Variants in STXBP5 observed in about 807,000 individuals in gnomAD.
STXBP5 encodes syntaxin-binding protein 5.
In STXBP5, 50 loss-of-function variants were observed where a neutral mutation model predicts 152.4. That is an observed-to-expected ratio of 0.33 (90% CI 0.26 to 0.42). The LOEUF (loss-of-function observed/expected upper bound fraction) is 0.42. Ranked by LOEUF, STXBP5 falls within the 10% of genes least tolerant of loss-of-function variation. The pLI is 1.00. For missense variants in STXBP5, 1,167 were observed against 1,388.6 expected, an observed-to-expected ratio of 0.84 and a Z score of 2.54; for synonymous variants, 492 against 494.7, an observed-to-expected ratio of 0.99 and a Z score of 0.07.
rs144076925 is a variant in STXBP5 at position 147,359,114 on chromosome 6, G to A, written c.2336G>A (p.Arg779Gln). 4.5e-5 allele frequency: 73 copies of A among 1,613,858 alleles called. No individual in the cohort carries two copies. In the African/African-American group the frequency reaches 6.8e-4, roughly 15 times the overall value. The change falls in exon 23 of 28, where the codon CGG becomes CAG. Residue 779 changes from arginine to glutamine, a missense_variant. Transcript: ENST00000321680. Reference protein sequence around the residue: ...DVKDNSFSRSRSSSVTSIDKE... With the variant: ...DVKDNSFSRSQSSSVTSIDKE... ...AAGGATAACTCCTTTAGCCGATCAC[G>A]GAGTTCAAGTGTAACAAGCATTGAC...
chr6:147,370,297 G>A (rs1165914283), intron 25 of STXBP5, among the ~76,000 whole-genome samples: 2 of 152,052 alleles, frequency 1.3e-5, no homozygotes, highest in African/African-American at 4.8e-5. Flanking sequence ...GAGAGTGATG[G>A]ATATATTCAC....
At chr6:147,384,656 A>G in intron 27 of STXBP5, 58 bp from the exon 28 acceptor site, 6 of 1,530,730 alleles carry the variant, frequency 3.9e-6, no homozygotes, top group Non-Finnish European at 5.4e-6. Context: ...GAAATCACTT[A>G]TAAATGTTAT....
chr6:147,343,825 C>T (rs1784197890), intron 21 of STXBP5, among the ~76,000 whole-genome samples: 2 of 152,198 alleles, frequency 1.3e-5, no homozygotes, highest in South Asian at 4.1e-4. Context: ...TTCTACTTTA[C>T]ATTCCCCAGT....
chr6:147,204,454 T>G lies in STXBP5; in HGVS notation c.-79T>G. On this transcript the variant is annotated 5_prime_UTR_variant, in exon 1 of 28. Coordinates refer to ENST00000321680, the MANE Select transcript of STXBP5 (RefSeq NM_001127715.4). This position sits in a 1 kb window ranked among gnomAD's most constrained non-coding sequence, Gnocchi z 4.3. ...CTCCGTTTCCGCGGTCGAAGCTGCC[T>G]TCGGCCCCGGGTGGTCTCCCCCGCC... 1 of 1,479,072 alleles carries G rather than the reference T, an allele frequency of 6.8e-7. No homozygotes were observed. Among genetic ancestry groups the G allele is most frequent in the South Asian group, 1.2e-5 (1 of 81,902 alleles). 91.6% of individuals were successfully genotyped at this position (1,479,072 alleles called of 1,614,324 possible).
intron 16 of STXBP5, among the ~76,000 whole-genome samples, chr6:147,323,933 C>G (rs1365251994): frequency 6.6e-6 from 1 of 152,076 alleles, no homozygotes; most frequent in African/African-American, 2.4e-5. Context: ...AAAGTCTGGC[C>G]CTGGCCTGTC....
intron 26 of STXBP5, among the ~76,000 whole-genome samples, chr6:147,380,173 T>TACACAC (rs58343558): frequency 0.02 from 2,816 of 143,096 alleles, 69 homozygotes; most frequent in African/African-American, 0.065. Context: ...AATAGCCACG[T>TACACAC]ACACACACAC....
chr6:147,334,542 A>G (rs1783734959), intron 19 of STXBP5, among the ~76,000 whole-genome samples: 1 of 152,120 alleles, frequency 6.6e-6, no homozygotes, highest in Non-Finnish European at 1.5e-5. Flanking sequence ...GTTATCTACC[A>G]TCTTTAAATG....
chr6:147,348,002 A>G (rs1481754175), intron 21 of STXBP5, among the ~76,000 whole-genome samples: 1 of 152,212 alleles, frequency 6.6e-6, no homozygotes, highest in Non-Finnish European at 1.5e-5. Context: ...TGAATTCTTT[A>G]TAATAAGAAT....
chr6:147,275,592 C>G (rs1311274814), intron 7 of STXBP5, among the ~76,000 whole-genome samples: 5 of 109,526 alleles, frequency 4.6e-5, no homozygotes, highest in Admixed American at 2.7e-4. Flanking sequence ...GAGTCTCGCT[C>G]TGTTGCCCAG....
intron 22 of STXBP5, among the ~76,000 whole-genome samples, chr6:147,358,192 T>C (rs979770188): frequency 1.3e-5 from 2 of 151,370 alleles, no homozygotes; most frequent in Non-Finnish European, 2.9e-5. Context: ...TGATTAAAGG[T>C]TTTTATTTGG....
intron 23 of STXBP5, among the ~76,000 whole-genome samples, 169 bp downstream of exon 23, chr6:147,359,492 G>C (rs762938134): frequency 2.6e-5 from 4 of 151,712 alleles, no homozygotes; most frequent in Non-Finnish European, 4.4e-5. Flanking sequence ...TAAGTTTTAG[G>C]GTACATGTGC....
chr6:147,344,270 A>G (rs903450710), intron 21 of STXBP5, among the ~76,000 whole-genome samples: 1 of 152,122 alleles, frequency 6.6e-6, no homozygotes, highest in African/African-American at 2.4e-5. Context: ...CTTTTTTTAC[A>G]TTAAAAGGAT....
chr6:147,275,383 CT>C (rs1226008411), intron 7 of STXBP5, among the ~76,000 whole-genome samples: 3 of 151,554 alleles, frequency 2.0e-5, no homozygotes, highest in South Asian at 2.1e-4. Context: ...TCTGTCTTCA[CT>C]TTTTTTTCTC....
chr6:147,261,369 T>G (rs1434970584), intron 5 of STXBP5, among the ~76,000 whole-genome samples: 1 of 152,018 alleles, frequency 6.6e-6, no homozygotes, highest in Non-Finnish European at 1.5e-5. Flanking sequence ...GTCTTAAATT[T>G]TTTGTATCTT....
At chr6:147,319,652 G>T (rs1782814114) in intron 16 of STXBP5, among the ~76,000 whole-genome samples, 1 of 152,052 alleles carries the variant, frequency 6.6e-6, no homozygotes, top group African/African-American at 2.4e-5. Context: ...AGCGTTTGGT[G>T]TCAGATAGAG....
At chr6:147,240,114 G>A (rs1778467701) in intron 4 of STXBP5, among the ~76,000 whole-genome samples, 1 of 151,860 alleles carries the variant, frequency 6.6e-6, no homozygotes, top group Non-Finnish European at 1.5e-5. Context: ...GCTAATTTTT[G>A]TATTTTTAGT....
intron 19 of STXBP5, among the ~76,000 whole-genome samples, chr6:147,336,952 T>C (rs1047014264): frequency 5.9e-5 from 9 of 152,096 alleles, no homozygotes; most frequent in African/African-American, 2.2e-4. Context: ...GAAATCATCA[T>C]GAGAAAAATC....
intron 4 of STXBP5, among the ~76,000 whole-genome samples, chr6:147,242,167 G>GT (rs1329713424): frequency 7.2e-6 from 1 of 138,502 alleles, no homozygotes; most frequent in Non-Finnish European, 1.5e-5. Flanking sequence ...CTGTGTCTTA[G>GT]TTTTAAAAAA....
intron 2 of STXBP5, among the ~76,000 whole-genome samples, chr6:147,216,346 T>C (rs1777166935): frequency 6.6e-6 from 1 of 152,068 alleles, no homozygotes; most frequent in South Asian, 2.1e-4. Flanking sequence ...GAGCTGAGAC[T>C]GCGCCACTGC....
Sources: allele counts gnomAD v4.1 joint callset (sites outside exome capture counted in the v4.1 genomes callset), GRCh38; gene constraint gnomAD v4.1.1; non-coding constraint Gnocchi (gnomAD v3.1); transcripts MANE v1.5; gene names NCBI Gene and HGNC (gene_info 2026-07-23, HGNC 2026-07-21).